Variants in ATP10A observed in about 807,000 individuals in gnomAD.
The protein encoded by ATP10A is ATPase phospholipid transporting 10A (putative).
A neutral mutation model predicts 147.8 loss-of-function variants in ATP10A; 111 were observed. The ratio of observed to expected loss-of-function variants is 0.75; its 90% confidence interval spans 0.64 to 0.88. ATP10A has a LOEUF of 0.88. Among genes scored for constraint, ATP10A ranks in the 40% least tolerant of loss-of-function variants. The probability of loss-of-function intolerance (pLI) is 0.00; values close to 1 mark genes in which losing one functional copy is unlikely to be tolerated. For synonymous variants in ATP10A, 875 were observed against 841.6 expected, an observed-to-expected ratio of 1.04 and a Z score of -0.69; for missense variants, 1,927 against 1,959.0, an observed-to-expected ratio of 0.98 and a Z score of 0.31.
chr15:25,738,315 C>T (rs1887402067), intron 2 of ATP10A, among the ~76,000 whole-genome samples: 1 of 152,210 alleles, frequency 6.6e-6, no homozygotes, highest in South Asian at 2.1e-4. Context: ...CACCCTTCTG[C>T]TCTGGGCACA....
In ATP10A at chr15:25,800,312, G is replaced by A. The variant is rs188822310; in HGVS notation, c.450-19089C>T. On this transcript the variant is annotated intron_variant, in intron 1 of 20. Transcript: ENST00000555815. ...TTCTATGTCCTGGACAAGATAAGCCGCTTCCCTTGCTCTCCTTGGCCCACC... is the reference window on the plus strand; with the variant it reads ...TTCTATGTCCTGGACAAGATAAGCCACTTCCCTTGCTCTCCTTGGCCCACC... Among the ~76,000 whole-genome samples the A allele has an allele frequency of 1.1e-3, 161 of 152,214 alleles. 1 individual carries two copies. The highest frequency in any genetic ancestry group is 3.7e-3 in the African/African-American group (154 of 41,540).
chr15:25,759,801 CA>C (rs147509751), intron 2 of ATP10A, among the ~76,000 whole-genome samples: 18,057 of 137,940 alleles, frequency 0.13, 1,267 homozygotes, highest in African/African-American at 0.23. Flanking sequence ...GACCCTGTCT[CA>C]AAAAAAAAAA....
At chr15:25,737,679 T>A (rs1297322586) in intron 2 of ATP10A, among the ~76,000 whole-genome samples, 2 of 152,086 alleles carry the variant, frequency 1.3e-5, no homozygotes, top group Non-Finnish European at 2.9e-5. Flanking sequence ...GAGCCCCTCA[T>A]CCGCCGCTAG....
chr15:25,744,224 G>A (rs1423903510), intron 2 of ATP10A, among the ~76,000 whole-genome samples: 1 of 152,096 alleles, frequency 6.6e-6, no homozygotes, highest in Non-Finnish European at 1.5e-5. Context: ...AGAGTCAACT[G>A]AGTGGCCCAG....
At chr15:25,698,500 T>G (rs1900474977) in intron 13 of ATP10A, among the ~76,000 whole-genome samples, 1 of 151,006 alleles carries the variant, frequency 6.6e-6, no homozygotes, top group Non-Finnish European at 1.5e-5. Context: ...ACAGAATAGG[T>G]GGTAATTGAC....
intron 1 of ATP10A, among the ~76,000 whole-genome samples, chr15:25,838,659 C>T: frequency 6.6e-6 from 1 of 152,210 alleles, no homozygotes; most frequent in East Asian, 1.9e-4. Context: ...CATCTTTAAA[C>T]TCACTATGCA....
intron 1 of ATP10A, among the ~76,000 whole-genome samples, chr15:25,786,617 C>CCCTTTT (rs1890170516): frequency 1.5e-5 from 1 of 68,868 alleles, no homozygotes; most frequent in Admixed American, 2.4e-4. Flanking sequence ...TCATTATCAT[C>CCCTTTT]TTTTTTTTTT....
intron 12 of ATP10A, among the ~76,000 whole-genome samples, chr15:25,706,690 C>T (rs1053944990): frequency 6.6e-6 from 1 of 152,168 alleles, no homozygotes; most frequent in African/African-American, 2.4e-5. Context: ...CTGCATTACT[C>T]CAGGGGGCGG....
Position 25,721,584 on chromosome 15 carries a change from G to GTGTC in ATP10A, c.1363+72_1363+73insGACA, listed in dbSNP as rs1491229036. 6 of 1,148,198 alleles carry GTGTC rather than the reference G, an allele frequency of 5.2e-6. No homozygotes were observed. In the African/African-American group the frequency reaches 9.5e-5, roughly 18 times the overall value. 71.1% of individuals were successfully genotyped at this position (1,148,198 alleles called of 1,614,324 possible). A position where few individuals can be genotyped will look rare whatever the true frequency, so the allele number is the denominator to read the frequency against. On this transcript the variant is annotated intron_variant, in intron 7 of 20. Coordinates refer to ENST00000555815, the MANE Select transcript of ATP10A (RefSeq NM_024490.4). The stretch of plus-strand genomic sequence containing the variant: ...TGTGTGTGTGTGTGTGTGTGTGTGT[G>GTGTC]TCTCCAAACAATTCTGGATAGGGCA...
At chr15:25,731,439 T>G (rs1311492940) in intron 3 of ATP10A, among the ~76,000 whole-genome samples, 2 of 152,142 alleles carry the variant, frequency 1.3e-5, no homozygotes, top group Non-Finnish European at 1.5e-5. Context: ...GAAATGGAAT[T>G]TTACATTGGA....
chr15:25,801,426 G>T (rs2140782202), intron 1 of ATP10A, among the ~76,000 whole-genome samples: 1 of 152,322 alleles, frequency 6.6e-6, no homozygotes, highest in African/African-American at 2.4e-5. Context: ...GGATAACACT[G>T]GCAATGCCTG....
rs1596672494 is a variant in ATP10A at position 25,680,815 on chromosome 15, T to C, written c.3673A>G (p.Thr1225Ala). The C allele has an allele frequency of 5.0e-6, 8 of 1,612,932 alleles. No homozygotes were observed. The East Asian group carries it at 1.8e-4, about 36-fold the overall frequency. Residue 1225 changes from threonine (T) to alanine (A), a missense_variant, in exon 19 of 21, where the codon ACC (threonine) becomes GCC (alanine). Transcript: ENST00000555815. The part of the protein sequence containing the change: ...FLLHLGIETK[T>A]WTWLNWITCG... ...GCCATGCAGGCGGCTCTTACCCAGG[T>C]TTTGGTTTCAATGCCCAGGTGGAGC...
At chr15:25,796,114 C>T (rs1234995933) in intron 1 of ATP10A, among the ~76,000 whole-genome samples, 2 of 152,176 alleles carry the variant, frequency 1.3e-5, no homozygotes, top group Non-Finnish European at 2.9e-5. Flanking sequence ...TATAGCAACA[C>T]AAAACGAACA....
Position 25,757,574 on chromosome 15 carries a change from G to A in ATP10A, c.655-21433C>T, listed in dbSNP as rs533641320. Among the ~76,000 whole-genome samples the A allele has an allele frequency of 2.0e-5, 3 of 152,232 alleles. No individual in the cohort carries two copies. The South Asian group carries it at 6.2e-4, about 32-fold the overall frequency. ...GATTTAAGGAGGAAATAGAAAAAAG[G>A]CAGAAAGGAGCAGTAAATAGGAGAG... On this transcript the variant is annotated intron_variant, in intron 2 of 20. Transcript: ENST00000555815.
At chr15:25,805,299 A>T (rs527763845) in intron 1 of ATP10A, among the ~76,000 whole-genome samples, 6 of 152,340 alleles carry the variant, frequency 3.9e-5, no homozygotes, top group African/African-American at 1.4e-4. Context: ...GCCACCAGCC[A>T]CACAATTCCA....
intron 1 of ATP10A, among the ~76,000 whole-genome samples, chr15:25,832,506 G>A (rs969712877): frequency 5.9e-5 from 9 of 151,622 alleles, no homozygotes; most frequent in African/African-American, 2.2e-4. Context: ...ATTTAAGGTT[G>A]TCAATGACCA....
intron 1 of ATP10A, among the ~76,000 whole-genome samples, chr15:25,836,312 A>T (rs1892592864): frequency 6.6e-6 from 1 of 151,926 alleles, no homozygotes; most frequent in South Asian, 2.1e-4. Flanking sequence ...CAGCTATATA[A>T]CTTCAACTCT....
chr15:25,852,534 T>C (rs953003767), intron 1 of ATP10A, among the ~76,000 whole-genome samples: 2 of 149,754 alleles, frequency 1.3e-5, no homozygotes, highest in Non-Finnish European at 3.0e-5. Context: ...ATCCTCTGTC[T>C]CACCCAAAGC....
intron 1 of ATP10A, among the ~76,000 whole-genome samples, chr15:25,815,466 A>G (rs1310863151): frequency 7.4e-5 from 1 of 13,564 alleles, no homozygotes; most frequent in Non-Finnish European, 2.0e-4. Context: ...GCATCTATAC[A>G]GTGCATGGGC....
Sources: allele counts gnomAD v4.1 joint callset (sites outside exome capture counted in the v4.1 genomes callset), GRCh38; gene constraint gnomAD v4.1.1; transcripts MANE v1.5; gene names NCBI Gene and HGNC (gene_info 2026-07-23, HGNC 2026-07-21).